SORCS2: variants seen among roughly 807,000 people sequenced by gnomAD.
SORCS2 encodes the protein VPS10 domain-containing receptor SorCS2.
In SORCS2, 100 loss-of-function variants were observed where a neutral mutation model predicts 141.6. That is an observed-to-expected ratio of 0.71 (90% confidence interval 0.60 to 0.83). The LOEUF is 0.83. Ranked by LOEUF, SORCS2 falls within the 40% of genes least tolerant of loss-of-function variation. SORCS2 has a pLI of 0.00. For missense variants in SORCS2, 1,646 were observed against 1,560.2 expected, an observed-to-expected ratio of 1.05 and a Z score of -0.93; for synonymous variants, 789 against 676.9, an observed-to-expected ratio of 1.17 and a Z score of -2.57.
Position 7,193,301 on chromosome 4 carries a change from T to C in SORCS2, c.480+175T>C, listed in dbSNP as rs1366308647. Among the ~76,000 whole-genome samples the C allele has an allele frequency of 6.6e-6, 1 of 152,142 alleles. No individual in the cohort carries two copies. Among genetic ancestry groups the C allele is most frequent in the Non-Finnish European group, 1.5e-5 (1 of 68,014 alleles). Reference sequence around the variant, plus strand: ...GCCCCTACTGGCCTCTGGTCACTGGTTACTTGGGGAGAGGTCCTCAGATTC... The same window carrying C: ...GCCCCTACTGGCCTCTGGTCACTGGCTACTTGGGGAGAGGTCCTCAGATTC... On this transcript the variant is annotated intron_variant, in intron 1 of 26. Coordinates refer to ENST00000507866, the MANE Select transcript of SORCS2 (RefSeq NM_020777.3). The surrounding 1 kb of genome is among the most constrained non-coding windows in gnomAD (Gnocchi z 4.8).
intron 1 of SORCS2, among the ~76,000 whole-genome samples, chr4:7,211,161 C>A (rs1447621141): frequency 6.9e-6 from 1 of 144,486 alleles, no homozygotes; most frequent in Non-Finnish European, 1.5e-5. Context: ...TTCGCTTAAA[C>A]CTTCCTGCCT....
At chr4:7,288,829 C>T (rs1037733733) in intron 1 of SORCS2, among the ~76,000 whole-genome samples, 2 of 151,424 alleles carry the variant, frequency 1.3e-5, no homozygotes, top group Non-Finnish European at 2.9e-5. Context: ...TCAGTCTGTC[C>T]TCAGCATGAA....
chr4:7,274,568 C>A (rs1348135068), intron 1 of SORCS2, among the ~76,000 whole-genome samples: 3 of 152,120 alleles, frequency 2.0e-5, no homozygotes, highest in Non-Finnish European at 4.4e-5. Flanking sequence ...CACTTTTAAA[C>A]AACCAGATCG....
intron 19 of SORCS2, among the ~76,000 whole-genome samples, chr4:7,724,791 G>T (rs59700007): frequency 4.1e-4 from 25 of 61,626 alleles, no homozygotes; most frequent in Admixed American, 6.7e-4. Context: ...GTGCTGGTGA[G>T]GATGGTGATG....
chr4:7,531,919 G>T (rs1415175203), intron 3 of SORCS2, among the ~76,000 whole-genome samples: 1 of 152,282 alleles, frequency 6.6e-6, no homozygotes, highest in East Asian at 1.9e-4. Flanking sequence ...GCACAGCAGG[G>T]AGGAGCTGTG....
At chr4:7,519,173 G>A (rs1417872411) in intron 2 of SORCS2, among the ~76,000 whole-genome samples, 1 of 152,198 alleles carries the variant, frequency 6.6e-6, no homozygotes, top group Non-Finnish European at 1.5e-5. Context: ...GGGAGCACCG[G>A]CAGCTCTGCC....
chr4:7,298,798 G>A (rs533206442), intron 1 of SORCS2, among the ~76,000 whole-genome samples: 3 of 152,192 alleles, frequency 2.0e-5, no homozygotes, highest in Non-Finnish European at 4.4e-5. Context: ...TGCCCAGGCC[G>A]GGTGCTGGGC....
chr4:7,680,675 G>A (rs375443466), intron 9 of SORCS2, among the ~76,000 whole-genome samples: 13 of 152,362 alleles, frequency 8.5e-5, no homozygotes, highest in South Asian at 2.1e-4. Flanking sequence ...CATGTATGGC[G>A]TTCCCTAGAA....
At chr4:7,303,660 C>G (rs2108904302) in intron 1 of SORCS2, among the ~76,000 whole-genome samples, 1 of 152,392 alleles carries the variant, frequency 6.6e-6, no homozygotes, top group South Asian at 2.1e-4. Flanking sequence ...GTCAGGGTAT[C>G]TGTTGAGTTG....
chr4:7,215,950 G>T (rs1387998294), intron 1 of SORCS2, among the ~76,000 whole-genome samples: 1 of 136,856 alleles, frequency 7.3e-6, no homozygotes, highest in Admixed American at 7.3e-5. Flanking sequence ...CAGGCTGCCG[G>T]AGCCAGCAGT....
intron 6 of SORCS2, among the ~76,000 whole-genome samples, chr4:7,662,369 C>G (rs1372260243): frequency 6.6e-6 from 1 of 152,076 alleles, no homozygotes; most frequent in Non-Finnish European, 1.5e-5. Flanking sequence ...GCACCTCTCA[C>G]CACCCCTGCT....
chr4:7,614,517 T>C (rs1204588359), intron 3 of SORCS2, among the ~76,000 whole-genome samples: 1 of 148,058 alleles, frequency 6.8e-6, no homozygotes, highest in African/African-American at 2.5e-5. Flanking sequence ...ACCCATCTAT[T>C]CATCCACTCT....
At chr4:7,503,032 A>G (rs1732067299) in intron 2 of SORCS2, among the ~76,000 whole-genome samples, 1 of 152,250 alleles carries the variant, frequency 6.6e-6, no homozygotes, top group South Asian at 2.1e-4. Flanking sequence ...CCAGCCGAGC[A>G]GAGAGGCCCT....
chr4:7,337,945 G>A (rs537545126), intron 1 of SORCS2, among the ~76,000 whole-genome samples: 7 of 152,212 alleles, frequency 4.6e-5, no homozygotes, highest in Admixed American at 1.3e-4. Flanking sequence ...GTTCCTCTGC[G>A]GACCTGCTGC....
At chr4:7,272,359 T>G (rs913540062) in intron 1 of SORCS2, among the ~76,000 whole-genome samples, 1 of 152,218 alleles carries the variant, frequency 6.6e-6, no homozygotes, top group Admixed American at 6.5e-5. Context: ...TATTCACCCC[T>G]GAAGAATGGC....
chr4:7,367,041 C>G (rs529081077), intron 1 of SORCS2, among the ~76,000 whole-genome samples: 1 of 152,314 alleles, frequency 6.6e-6, no homozygotes, highest in South Asian at 2.1e-4. Flanking sequence ...GAGGAAGACA[C>G]CAAGCAGTGG....
intron 1 of SORCS2, among the ~76,000 whole-genome samples, chr4:7,250,542 G>C (rs528392501): frequency 1.5e-4 from 23 of 152,226 alleles, no homozygotes; most frequent in African/African-American, 5.1e-4. Flanking sequence ...CATATCGTTG[G>C]ATCCTGTGGA....
At chr4:7,593,227 T>C (rs549948517) in intron 3 of SORCS2, among the ~76,000 whole-genome samples, 95 of 152,264 alleles carry the variant, frequency 6.2e-4, no homozygotes, top group African/African-American at 1.8e-3. Flanking sequence ...TTATGGCCAG[T>C]GGAGCCTCGG....
chr4:7,584,993 A>G (rs908212498), intron 3 of SORCS2, among the ~76,000 whole-genome samples: 5 of 152,166 alleles, frequency 3.3e-5, no homozygotes, highest in African/African-American at 1.2e-4. Context: ...TCCCGGCGTG[A>G]CTGCATTTCT....
Sources: gnomAD v4.1 joint callset for allele counts (sites outside exome capture counted in the v4.1 genomes callset) on GRCh38, gnomAD v4.1.1 for gene constraint, Gnocchi (gnomAD v3.1) non-coding constraint, MANE v1.5 for transcripts, NCBI Gene and HGNC (gene_info 2026-07-23, HGNC 2026-07-21) for gene names.